The following ARFGEF1 variants were observed in gnomAD, a reference collection of about 807,000 sequenced individuals.
ARFGEF1 encodes ARF guanine nucleotide exchange factor 1.
Under a neutral mutation model 231.0 loss-of-function variants are expected in ARFGEF1, and 42 were observed. The observed-to-expected ratio is 0.18, with a 90% CI of 0.14 to 0.24. The LOEUF (loss-of-function observed/expected upper bound fraction) is 0.24, where lower values mean the gene tolerates loss of function less well. ARFGEF1 is among the 10% of genes least tolerant of loss of function. The pLI is 1.00. For missense variants in ARFGEF1, 1,345 were observed against 2,192.0 expected, an observed-to-expected ratio of 0.61 and a Z score of 7.72; for synonymous variants, 710 against 732.3, an observed-to-expected ratio of 0.97 and a Z score of 0.49.
Position 67,217,934 on chromosome 8 carries a change from G to C in ARFGEF1, c.4475-14C>G, listed in dbSNP as rs773735621. The C allele has an allele frequency of 4.3e-6, 7 of 1,613,010 alleles. No homozygotes were observed. In the South Asian group the frequency reaches 7.7e-5, roughly 18 times the overall value. On this transcript the variant is annotated splice_polypyrimidine_tract_variant and intron_variant, in intron 31 of 38. Transcript: ENST00000262215. ...ACTGCTCATTGTCTAGGAAAGAAAA[G>C]AGCAATTCATTTATATATTACCAGG...
At chr8:67,270,976 A>C (rs1469525916) in intron 10 of ARFGEF1, among the ~76,000 whole-genome samples, 1 of 148,346 alleles carries the variant, frequency 6.7e-6, no homozygotes, top group East Asian at 2.0e-4. Flanking sequence ...CTGAGTCGGA[A>C]TCGCACCATT....
At chr8:67,293,041 G>A (rs1806077613) in intron 5 of ARFGEF1, among the ~76,000 whole-genome samples, 1 of 152,080 alleles carries the variant, frequency 6.6e-6, no homozygotes, top group Non-Finnish European at 1.5e-5. Flanking sequence ...TGTGGGGGAA[G>A]GGGAAAATTA....
At chr8:67,182,494 A>G (rs1833301961) in intron 5 of ARFGEF1, among the ~76,000 whole-genome samples, 1 of 152,220 alleles carries the variant, frequency 6.6e-6, no homozygotes, top group Non-Finnish European at 1.5e-5. Flanking sequence ...TCTTTTGGGT[A>G]TACACTAAGA....
intron 5 of ARFGEF1, among the ~76,000 whole-genome samples, chr8:67,180,145 T>C (rs769523134): frequency 1.2e-4 from 18 of 152,200 alleles, no homozygotes; most frequent in Non-Finnish European, 2.4e-4. Flanking sequence ...AACCTGTACA[T>C]GAATGTTCGT....
At chr8:67,304,064 T>C (rs1302448766) in intron 1 of ARFGEF1, among the ~76,000 whole-genome samples, 1 of 152,208 alleles carries the variant, frequency 6.6e-6, no homozygotes, top group Non-Finnish European at 1.5e-5. Context: ...CGTTCTACCA[T>C]ATAGGTGTAT....
At chr8:67,258,328 T>TA in intron 15 of ARFGEF1, 38 bp from the exon 16 acceptor site, 1 of 1,398,392 alleles carries the variant, frequency 7.2e-7, no homozygotes, top group Non-Finnish European at 9.8e-7. Flanking sequence ...ATATTTTCTT[T>TA]CTTTTTTTTT....
intron 10 of ARFGEF1, 76 bp downstream of exon 10, chr8:67,271,626 A>G: frequency 9.6e-7 from 1 of 1,041,018 alleles, no homozygotes; most frequent in Non-Finnish European, 1.4e-6. Flanking sequence ...AGAACTTTGC[A>G]GTGTATTCAA....
intron 23 of ARFGEF1, among the ~76,000 whole-genome samples, chr8:67,231,374 C>A (rs1394327645): frequency 1.3e-5 from 2 of 152,006 alleles, no homozygotes; most frequent in African/African-American, 4.8e-5. Context: ...CTGGCGATGA[C>A]AAGATTGTGA....
At chr8:67,295,976 T>A (rs559553138) in intron 5 of ARFGEF1, among the ~76,000 whole-genome samples, 1 of 152,302 alleles carries the variant, frequency 6.6e-6, no homozygotes, top group South Asian at 2.1e-4. Context: ...CTCTTAACAA[T>A]CAACCTGAAG....
At chr8:67,175,851 G>T (rs1272481559) in intron 5 of ARFGEF1, among the ~76,000 whole-genome samples, 1 of 152,180 alleles carries the variant, frequency 6.6e-6, no homozygotes, top group Non-Finnish European at 1.5e-5. Context: ...TTGATGTGGC[G>T]TAAAATCTGT....
At chr8:67,262,011 TAG>T (rs1429849243) in intron 14 of ARFGEF1, among the ~76,000 whole-genome samples, 1 of 151,984 alleles carries the variant, frequency 6.6e-6, no homozygotes, top group Non-Finnish European at 1.5e-5. Context: ...AGCTGCCATG[TAG>T]AGATACTACT....
In ARFGEF1 at chr8:67,343,629, T is replaced by G; in HGVS notation, c.-342A>C. The G allele has an allele frequency of 9.7e-7, 1 of 1,026,986 alleles. No homozygotes were observed. The highest frequency in any genetic ancestry group is 1.2e-6 in the Non-Finnish European group (1 of 857,664). The allele number at this position is 1,026,986 out of a possible 1,614,324, so 63.6% of individuals were successfully genotyped here. A position where few individuals can be genotyped will look rare whatever the true frequency, so the allele number is the denominator to read the frequency against. ...TGAGGGAGCCCGGCCCGGGCGGCTGTCTGCCGGGAACTGAGGGACGAGGTG... is the reference window on the plus strand; with the variant it reads ...TGAGGGAGCCCGGCCCGGGCGGCTGGCTGCCGGGAACTGAGGGACGAGGTG... On this transcript the variant is annotated 5_prime_UTR_variant, in exon 1 of 39. Coordinates refer to ENST00000262215, the MANE Select transcript of ARFGEF1 (RefSeq NM_006421.5).
At chr8:67,225,959 AAACTT>A (rs1374783858) in intron 28 of ARFGEF1, 59 bp downstream of exon 28, 74 of 1,453,286 alleles carry the variant, frequency 5.1e-5, no homozygotes, top group Non-Finnish European at 6.8e-5. Context: ...ATTCCCAAAC[AAACTT>A]AAGATTTCAA....
rs775005735 is a variant in ARFGEF1, at chr8:67,203,126, C to T, written c.5085G>A (p.Ala1695=). Reference sequence around the variant, plus strand: ...TCCTCTGTTCGTTGTTGGAATTAAACGCTTTTGCAAATCTATGTGACTCTA... The same window carrying T: ...TCCTCTGTTCGTTGTTGGAATTAAATGCTTTTGCAAATCTATGTGACTCTA... The part of the protein sequence containing the change: ...CLLESHRFAK[A]FNSNNEQRTA... The change falls in exon 36 of 39, where the codon GCG becomes GCA. Residue 1695 remains alanine, a synonymous_variant. Transcript: ENST00000262215. 1.5e-5 allele frequency: 24 copies of T among 1,613,888 alleles called. No individual in the cohort carries two copies. The highest frequency in any genetic ancestry group is 3.3e-4 in the Middle Eastern group (2 of 6,082).
Position 67,198,294 on chromosome 8 carries a change from T to C in ARFGEF1, c.*640A>G, listed in dbSNP as rs1461148472. On this transcript the variant is annotated 3_prime_UTR_variant, in exon 39 of 39. Coordinates refer to ENST00000262215, the MANE Select transcript of ARFGEF1 (RefSeq NM_006421.5). Reference sequence around the variant, plus strand: ...AGTTCCACCCAAATGTTTAGTGCATTTGACAAAATATTATGGGTATTTAGC... The same window carrying C: ...AGTTCCACCCAAATGTTTAGTGCATCTGACAAAATATTATGGGTATTTAGC... 3 of 985,152 alleles carry C rather than the reference T, an allele frequency of 3.0e-6. No individual in the cohort carries two copies. Among genetic ancestry groups the C allele is most frequent in the Non-Finnish European group, 3.6e-6 (3 of 829,404 alleles). 61.0% of individuals were successfully genotyped at this position (985,152 alleles called of 1,614,324 possible).
chr8:67,328,035 G>C (rs1467123611), intron 1 of ARFGEF1, among the ~76,000 whole-genome samples: 2 of 151,998 alleles, frequency 1.3e-5, no homozygotes, highest in Non-Finnish European at 2.9e-5. Flanking sequence ...AAATAGAGGG[G>C]GTGAAAGAAA....
At chr8:67,336,947 G>A (rs533794329) in intron 1 of ARFGEF1, among the ~76,000 whole-genome samples, 13 of 151,668 alleles carry the variant, frequency 8.6e-5, no homozygotes, top group Admixed American at 5.9e-4. Context: ...TGGCTAACAC[G>A]GTGAAACCCC....
chr8:67,194,276 G>A (rs2129576199), downstream of ARFGEF1, among the ~76,000 whole-genome samples: 1 of 152,276 alleles, frequency 6.6e-6, no homozygotes, highest in East Asian at 1.9e-4. Flanking sequence ...GTCTATTTGG[G>A]AAATACTCTT....
At chr8:67,298,010 T>A (rs1398143979) in intron 4 of ARFGEF1, among the ~76,000 whole-genome samples, 2 of 152,128 alleles carry the variant, frequency 1.3e-5, no homozygotes, top group Non-Finnish European at 2.9e-5. Flanking sequence ...CTTGCTGTGT[T>A]GCCCAGGCTG....
Sources: gnomAD v4.1 joint callset for allele counts (sites outside exome capture counted in the v4.1 genomes callset) on GRCh38, gnomAD v4.1.1 for gene constraint, MANE v1.5 for transcripts, NCBI Gene and HGNC (gene_info 2026-07-23, HGNC 2026-07-21) for gene names.